The following BRINP1 variants were observed in gnomAD, a reference collection of about 807,000 sequenced individuals.
BRINP1 encodes BMP/retinoic acid inducible neural specific 1.
In BRINP1, 17 loss-of-function variants were observed where a neutral mutation model predicts 72.9. The ratio of observed to expected loss-of-function variants is 0.23; its 90% CI spans 0.16 to 0.35. BRINP1 has a LOEUF of 0.35. BRINP1 is among the 10% of genes least tolerant of loss of function. The probability of loss-of-function intolerance (pLI) is 1.00; values close to 1 mark genes in which losing one functional copy is unlikely to be tolerated. For missense variants in BRINP1, 850 were observed against 1,001.6 expected (o/e 0.85, Z 2.04); for synonymous variants, 418 against 378.5 (o/e 1.10, Z -1.21).
chr9:119,301,162 A>G (rs779952225), intron 2 of BRINP1, among the ~76,000 whole-genome samples: 8 of 152,230 alleles, frequency 5.3e-5, no homozygotes, highest in Non-Finnish European at 8.8e-5. Context: ...CTGGCTTATC[A>G]TCTTCAAACA....
At chr9:119,314,525 C>G (rs564653545) in intron 1 of BRINP1, among the ~76,000 whole-genome samples, 1 of 152,042 alleles carries the variant, frequency 6.6e-6, no homozygotes, top group Non-Finnish European at 1.5e-5. Context: ...GCCACCACAC[C>G]CAGCTGATTT....
intron 1 of BRINP1, among the ~76,000 whole-genome samples, chr9:119,314,276 G>T (rs894870173): frequency 1.3e-5 from 2 of 152,192 alleles, no homozygotes; most frequent in South Asian, 2.1e-4. Context: ...AAGCCTAAGG[G>T]GTAGCTTTGG....
At chr9:119,219,042 G>A (rs1376498204) in intron 5 of BRINP1, among the ~76,000 whole-genome samples, 1 of 152,098 alleles carries the variant, frequency 6.6e-6, no homozygotes, top group African/African-American at 2.4e-5. Flanking sequence ...GAGACAGCTT[G>A]TAGCTGTCTA....
chr9:119,256,892 C>T (rs932675240), intron 2 of BRINP1, among the ~76,000 whole-genome samples: 10 of 152,048 alleles, frequency 6.6e-5, no homozygotes, highest in East Asian at 1.9e-4. Flanking sequence ...ATGACTTGTT[C>T]GCTTACATGA....
intron 7 of BRINP1, among the ~76,000 whole-genome samples, chr9:119,186,054 C>G (rs1467422403): frequency 6.6e-6 from 1 of 152,170 alleles, no homozygotes. Flanking sequence ...GGGAGGCACT[C>G]CATCTCCCCC....
In BRINP1 at chr9:119,228,370, C is replaced by T. The variant is rs547299971; in HGVS notation, c.685+10285G>A. On this transcript the variant is annotated intron_variant, in intron 5 of 7. Transcript: ENST00000265922. The stretch of plus-strand genomic sequence containing the variant: ...GCCCATGGCACTACATTAAATATTA[C>T]GAAATGTAAAATTGGCAAGGAAAAA... 1.6e-4 allele frequency among the ~76,000 whole-genome samples: 24 copies of T among 151,546 alleles called. 1 individual carries two copies. Among genetic ancestry groups the T allele is most frequent in the Admixed American group, 8.6e-4 (13 of 15,194 alleles).
At chr9:119,233,393 A>G (rs1335896965) in intron 5 of BRINP1, among the ~76,000 whole-genome samples, 1 of 152,176 alleles carries the variant, frequency 6.6e-6, no homozygotes, top group African/African-American at 2.4e-5. Flanking sequence ...AAACAAGTTA[A>G]AAATATACAT....
chr9:119,296,294 C>T (rs1830876730), intron 2 of BRINP1, among the ~76,000 whole-genome samples: 1 of 152,148 alleles, frequency 6.6e-6, no homozygotes, highest in Admixed American at 6.5e-5. Flanking sequence ...AAAACATACT[C>T]AATATCACTA....
At chr9:119,296,127 G>T (rs960966844) in intron 2 of BRINP1, among the ~76,000 whole-genome samples, 1 of 152,116 alleles carries the variant, frequency 6.6e-6, no homozygotes, top group Non-Finnish European at 1.5e-5. Context: ...GAAAATATCT[G>T]CAAACCATAT....
intron 1 of BRINP1, among the ~76,000 whole-genome samples, chr9:119,317,112 A>G (rs1382260899): frequency 6.7e-6 from 1 of 149,170 alleles, no homozygotes; most frequent in African/African-American, 2.6e-5. Context: ...AAAATAAAGA[A>G]AAAAGAAATA....
chr9:119,300,747 T>C (rs1306542545), intron 2 of BRINP1, among the ~76,000 whole-genome samples: 1 of 152,256 alleles, frequency 6.6e-6, no homozygotes, highest in Non-Finnish European at 1.5e-5. Context: ...CTGGCTTATA[T>C]CCCTAACCCT....
intron 2 of BRINP1, among the ~76,000 whole-genome samples, chr9:119,282,232 C>T (rs1303270158): frequency 3.3e-5 from 5 of 151,672 alleles, no homozygotes; most frequent in Admixed American, 6.6e-5. Context: ...GTAGATGAGA[C>T]GACAGTGTTG....
At chr9:119,285,712 C>A (rs913602158) in intron 2 of BRINP1, among the ~76,000 whole-genome samples, 2 of 151,926 alleles carry the variant, frequency 1.3e-5, no homozygotes, top group South Asian at 2.1e-4. Context: ...TCTTTTTTTC[C>A]CTCCTCATCT....
intron 7 of BRINP1, among the ~76,000 whole-genome samples, chr9:119,207,862 T>C (rs770252192): frequency 3.3e-5 from 5 of 152,220 alleles, no homozygotes; most frequent in Non-Finnish European, 7.3e-5. Context: ...AGAGCTGCTC[T>C]GTCTGAAGCA....
chr9:119,207,279 G>A (rs928474623), intron 7 of BRINP1, among the ~76,000 whole-genome samples: 6 of 152,204 alleles, frequency 3.9e-5, no homozygotes, highest in Non-Finnish European at 7.3e-5. Context: ...GACTGCCGTT[G>A]TTAAATGTTG....
At chr9:119,221,756 T>C (rs1428527526) in intron 5 of BRINP1, among the ~76,000 whole-genome samples, 1 of 152,164 alleles carries the variant, frequency 6.6e-6, no homozygotes, top group Non-Finnish European at 1.5e-5. Context: ...AGGTGAAAGA[T>C]ACAGGTATAT....
chr9:119,281,542 A>G (rs792933), intron 2 of BRINP1, among the ~76,000 whole-genome samples: 69,286 of 151,958 alleles, frequency 0.46, 16,073 homozygotes, highest in African/African-American at 0.51. Context: ...ATGGTATCAT[A>G]GGATTCTCTA....
chr9:119,316,346 C>CGG (rs1831124261), intron 1 of BRINP1, among the ~76,000 whole-genome samples: 1 of 152,166 alleles, frequency 6.6e-6, no homozygotes, highest in Non-Finnish European at 1.5e-5. Context: ...CCTCAGCCTC[C>CGG]CAAAGTGCTG....
At chr9:119,210,082 C>T (rs7866507) in intron 6 of BRINP1, among the ~76,000 whole-genome samples, 51,559 of 152,014 alleles carry the variant, frequency 0.34, 9,221 homozygotes, top group East Asian at 0.56. Flanking sequence ...AACTGAAGCC[C>T]AAAATGGGAA....
Sources: allele counts gnomAD v4.1 joint callset (sites outside exome capture counted in the v4.1 genomes callset), GRCh38; gene constraint gnomAD v4.1.1; transcripts MANE v1.5; gene names NCBI Gene and HGNC (gene_info 2026-07-23, HGNC 2026-07-21).